CD44: variants seen among roughly 807,000 people sequenced by gnomAD.
The protein encoded by CD44 is CD44 antigen.
A neutral mutation model predicts 88.8 loss-of-function variants in CD44; 49 were observed. The observed-to-expected ratio is 0.55, with a 90% confidence interval of 0.44 to 0.70. The LOEUF is 0.70. Among genes scored for constraint, CD44 ranks in the 30% least tolerant of loss-of-function variants. CD44 has a pLI of 0.00. For synonymous variants in CD44, 325 were observed against 312.3 expected (o/e 1.04, Z -0.43); for missense variants, 883 against 913.8 (o/e 0.97, Z 0.43).
intron 11 of CD44, among the ~76,000 whole-genome samples, 196 bp from the exon 12 acceptor site, chr11:35,207,909 C>G (rs776865767): frequency 4.6e-5 from 7 of 152,292 alleles, no homozygotes; most frequent in Middle Eastern, 3.4e-3. Context: ...CTCGGCCCTT[C>G]AAGGAAAGCC....
At chr11:35,154,782 G>T (rs1320245118) in intron 1 of CD44, among the ~76,000 whole-genome samples, 1 of 152,046 alleles carries the variant, frequency 6.6e-6, no homozygotes, top group East Asian at 1.9e-4. Flanking sequence ...GTATATTTTG[G>T]TATATCCCTA....
chr11:35,216,875 A>G (rs1948872067), intron 15 of CD44, among the ~76,000 whole-genome samples: 1 of 152,206 alleles, frequency 6.6e-6, no homozygotes, highest in Admixed American at 6.5e-5. Flanking sequence ...CATTTTAACT[A>G]CACTCTCCCA....
intron 2 of CD44, 117 bp from the exon 3 acceptor site, chr11:35,180,157 T>C (rs1944851412): frequency 2.1e-6 from 2 of 964,730 alleles, no homozygotes; most frequent in Non-Finnish European, 3.1e-6. Flanking sequence ...AAACCTCCGA[T>C]ATCCCTAGGG....
At chr11:35,164,979 G>A (rs1443990989) in intron 1 of CD44, among the ~76,000 whole-genome samples, 8 of 152,166 alleles carry the variant, frequency 5.3e-5, no homozygotes, top group South Asian at 2.1e-4. Context: ...GGTGGCCATC[G>A]TCACTTTGAT....
intron 1 of CD44, among the ~76,000 whole-genome samples, chr11:35,171,157 G>A (rs1012631015): frequency 2.8e-4 from 42 of 152,256 alleles, no homozygotes; most frequent in African/African-American, 9.6e-4. Context: ...AATAATTTGG[G>A]TTTGCGTTAG....
chr11:35,164,839 T>C (rs1314979881), intron 1 of CD44, among the ~76,000 whole-genome samples: 1 of 152,230 alleles, frequency 6.6e-6, no homozygotes, highest in Non-Finnish European at 1.5e-5. Flanking sequence ...TATATTTCAT[T>C]TGGGCTGCAG....
At chr11:35,217,035 G>A (rs892074786) in intron 15 of CD44, among the ~76,000 whole-genome samples, 8 of 152,184 alleles carry the variant, frequency 5.3e-5, no homozygotes, top group African/African-American at 1.9e-4. Flanking sequence ...TCCTCTTTGT[G>A]GAACTTGCTA....
intron 12 of CD44, among the ~76,000 whole-genome samples, chr11:35,209,564 G>A (rs188559969): frequency 5.3e-5 from 8 of 152,122 alleles, no homozygotes; most frequent in African/African-American, 1.7e-4. Context: ...CACATTTCTT[G>A]ACACACAGTT....
intron 9 of CD44, 113 bp from the exon 10 acceptor site, chr11:35,204,399 C>G: frequency 1.0e-6 from 1 of 977,038 alleles, no homozygotes; most frequent in East Asian, 2.5e-5. Context: ...TGGTGCCTTT[C>G]TTTTCTACCT....
In CD44 at chr11:35,208,991, G is replaced by A. The variant is rs142833120; in HGVS notation, c.1516+785G>A. Among the ~76,000 whole-genome samples the A allele has an allele frequency of 4.3e-3, 652 of 152,302 alleles. 14 individuals carry two copies. The highest frequency in any genetic ancestry group is 0.036 in the Admixed American group (554 of 15,290). ...TGGTCAGCAATGTAAATAGCACAGC[G>A]TTAAGCATCAAAGGAGATGCAAATA... On this transcript the variant is annotated intron_variant, in intron 12 of 17. Coordinates refer to ENST00000428726, the MANE Select transcript of CD44 (RefSeq NM_000610.4).
chr11:35,175,963 C>T (rs1944414347), intron 1 of CD44, among the ~76,000 whole-genome samples: 2 of 144,482 alleles, frequency 1.4e-5, no homozygotes, highest in African/African-American at 5.1e-5. Flanking sequence ...CCTCCTGGTT[C>T]AAGTGATTCT....
At chr11:35,179,085 T>A (rs367670492) in intron 2 of CD44, among the ~76,000 whole-genome samples, 1 of 152,198 alleles carries the variant, frequency 6.6e-6, no homozygotes, top group Non-Finnish European at 1.5e-5. Flanking sequence ...AACCAGTTTG[T>A]CTGTTCAGAT....
chr11:35,189,082 C>T (rs1164923231), intron 4 of CD44, among the ~76,000 whole-genome samples: 1 of 152,206 alleles, frequency 6.6e-6, no homozygotes, highest in Non-Finnish European at 1.5e-5. Flanking sequence ...GCAGCAAATA[C>T]TTCTAGGGAG....
chr11:35,164,524 T>C (rs1000473041), intron 1 of CD44, among the ~76,000 whole-genome samples: 1 of 152,198 alleles, frequency 6.6e-6, no homozygotes, highest in Non-Finnish European at 1.5e-5. Flanking sequence ...GTGTTGAAGT[T>C]GGGCTCTGGT....
intron 1 of CD44, among the ~76,000 whole-genome samples, chr11:35,168,857 A>T (rs1591017691): frequency 2.0e-5 from 3 of 152,204 alleles, no homozygotes; most frequent in Non-Finnish European, 4.4e-5. Flanking sequence ...TGGCCTCAGA[A>T]ATGGCCCTGT....
chr11:35,141,654 C>T (rs1217534990), intron 1 of CD44, among the ~76,000 whole-genome samples: 1 of 152,208 alleles, frequency 6.6e-6, no homozygotes, highest in Non-Finnish European at 1.5e-5. Context: ...TGAGGTTCTC[C>T]CAGAGACCCG....
At position 35,204,513 on chromosome 11, in the gene CD44, C is replaced by G. The variant is rs771864862; in HGVS notation, c.1155C>G (p.Ile385Met). ...TCCCAACTGATATTCTTCTCACAGT[C>G]CAGGCAACTCCTAGTAGTACAACGG... is the stretch of plus-strand genomic sequence containing the variant. ...EEETPHSTSTIQATPSSTTEE... is the reference protein window; with the variant it reads ...EEETPHSTSTMQATPSSTTEE... Residue 385 changes from isoleucine to methionine, a missense_variant and splice_region_variant, in exon 10 of 18, where the codon ATC becomes ATG. By Grantham distance (10) the Ile-to-Met change is conservative. Coordinates refer to ENST00000428726, the MANE Select transcript of CD44 (RefSeq NM_000610.4). 1.2e-6 allele frequency: 2 copies of G among 1,613,012 alleles called. No homozygotes were observed. Among genetic ancestry groups the G allele is most frequent in the East Asian group, 2.2e-5 (1 of 44,858 alleles).
chr11:35,159,663 A>C (rs1942346159), intron 1 of CD44, among the ~76,000 whole-genome samples: 1 of 152,162 alleles, frequency 6.6e-6, no homozygotes, highest in Non-Finnish European at 1.5e-5. Context: ...CTTCTCTTTG[A>C]GAGAGGCAGC....
chr11:35,225,910 T>C (rs183751173), intron 17 of CD44, among the ~76,000 whole-genome samples: 1 of 152,324 alleles, frequency 6.6e-6, no homozygotes, highest in East Asian at 1.9e-4. Context: ...GCTGTGAAAC[T>C]TTGGACAATA....
Sources: gnomAD v4.1 joint callset for allele counts (sites outside exome capture counted in the v4.1 genomes callset) on GRCh38, gnomAD v4.1.1 for gene constraint, MANE v1.5 for transcripts, NCBI Gene and HGNC (gene_info 2026-07-23, HGNC 2026-07-21) for gene names.